BRINP1: variants seen among roughly 807,000 people sequenced by gnomAD.
The protein encoded by BRINP1 is BMP/retinoic acid-inducible neural-specific protein 1.
A neutral mutation model predicts 72.9 loss-of-function variants in BRINP1; 17 were observed. The ratio of observed to expected loss-of-function variants is 0.23; its 90% CI spans 0.16 to 0.35. BRINP1 has a LOEUF of 0.35. Ranked by LOEUF, BRINP1 falls within the 10% of genes least tolerant of loss-of-function variation. The pLI is 1.00. For missense variants in BRINP1, 850 were observed against 1,001.6 expected, an observed-to-expected ratio of 0.85 and a Z score of 2.04; for synonymous variants, 418 against 378.5, an observed-to-expected ratio of 1.10 and a Z score of -1.21.
intron 7 of BRINP1, among the ~76,000 whole-genome samples, chr9:119,186,627 C>T (rs1360211296): frequency 2.0e-5 from 3 of 152,180 alleles, no homozygotes. Context: ...ACCTGACCCC[C>T]AGGGAAGCAC....
chr9:119,352,137 T>C (rs1831513197), intron 1 of BRINP1, among the ~76,000 whole-genome samples: 1 of 152,108 alleles, frequency 6.6e-6, no homozygotes. Flanking sequence ...ATGTTTGTCT[T>C]AGGTATCCGT....
chr9:119,256,246 GTTA>G (rs1000516273), intron 2 of BRINP1, among the ~76,000 whole-genome samples: 5 of 152,136 alleles, frequency 3.3e-5, no homozygotes, highest in African/African-American at 9.7e-5. Flanking sequence ...AAATATTAAA[GTTA>G]TTATCAATAT....
intron 5 of BRINP1, 84 bp downstream of exon 5, chr9:119,238,571 T>G: frequency 1.3e-6 from 1 of 757,028 alleles, no homozygotes; most frequent in South Asian, 1.9e-5. Flanking sequence ...CTCCCTTCAC[T>G]CCATCCCTCC....
chr9:119,356,660 C>T (rs1831569904), intron 1 of BRINP1, among the ~76,000 whole-genome samples: 1 of 151,918 alleles, frequency 6.6e-6, no homozygotes, highest in Non-Finnish European at 1.5e-5. Context: ...CAAAAATTGG[C>T]TGGGCATGGT....
chr9:119,302,105 G>C (rs1444443083), intron 2 of BRINP1, among the ~76,000 whole-genome samples: 2 of 152,234 alleles, frequency 1.3e-5, no homozygotes, highest in East Asian at 3.8e-4. Flanking sequence ...GATATTTTAA[G>C]TGTTCAAGGC....
At chr9:119,251,505 G>A (rs1054594487) in intron 2 of BRINP1, among the ~76,000 whole-genome samples, 4 of 152,128 alleles carry the variant, frequency 2.6e-5, no homozygotes, top group Non-Finnish European at 4.4e-5. Flanking sequence ...CCACTCAGGT[G>A]GCCAAGGCAG....
intron 2 of BRINP1, among the ~76,000 whole-genome samples, chr9:119,294,003 T>C (rs1830849459): frequency 6.6e-6 from 1 of 152,102 alleles, no homozygotes; most frequent in South Asian, 2.1e-4. Context: ...ATGATGATCA[T>C]ATAGAAAATC....
intron 1 of BRINP1, among the ~76,000 whole-genome samples, chr9:119,340,621 T>G (rs1587966380): frequency 6.6e-6 from 1 of 152,356 alleles, no homozygotes; most frequent in East Asian, 1.9e-4. Flanking sequence ...ATTGAGTCAC[T>G]GATACTCTCC....
chr9:119,208,949 G>C lies in BRINP1; in HGVS notation c.923-8C>G, dbSNP rs141534986. ...TAAATGATTTAAACTCATCTAGTGA[G>C]AGACAAAGGCCGAGAGAGAAGGGCT... is the stretch of plus-strand genomic sequence containing the variant. On this transcript the variant is annotated splice_region_variant and splice_polypyrimidine_tract_variant and intron_variant, in intron 6 of 7. Transcript: ENST00000265922. 1.9e-4 allele frequency: 304 copies of C among 1,608,920 alleles called. No individual in the cohort carries two copies. In the African/African-American group the frequency reaches 2.8e-3, roughly 15 times the overall value.
At chr9:119,329,081 T>C (rs1014378495) in intron 1 of BRINP1, among the ~76,000 whole-genome samples, 37 of 152,196 alleles carry the variant, frequency 2.4e-4, no homozygotes, top group African/African-American at 8.2e-4. Flanking sequence ...AAACAGGCAC[T>C]ACACAGGTGC....
At chr9:119,328,173 G>C (rs1725792802) in intron 1 of BRINP1, among the ~76,000 whole-genome samples, 1 of 152,180 alleles carries the variant, frequency 6.6e-6, no homozygotes, top group African/African-American at 2.4e-5. Flanking sequence ...GGGAGCAGGG[G>C]TGTGTAAGAA....
chr9:119,299,682 C>T (rs1424960864), intron 2 of BRINP1, among the ~76,000 whole-genome samples: 1 of 150,904 alleles, frequency 6.6e-6, no homozygotes, highest in Non-Finnish European at 1.5e-5. Context: ...TTTCACTTAA[C>T]ATAATGTCCT....
At position 119,213,546 on chromosome 9, in the gene BRINP1, G is replaced by A. The variant is rs183918415; in HGVS notation, c.922+373C>T. On this transcript the variant is annotated intron_variant, in intron 6 of 7. Transcript: ENST00000265922. The stretch of plus-strand genomic sequence containing the variant: ...TAGAGATGGACAGAAGTGTGTGGGT[G>A]CACACACAAACACATACACACACAA... The A allele has an allele frequency of 1.9e-3, 726 of 389,308 alleles. 6 individuals are homozygous for A. The highest frequency in any genetic ancestry group is 2.5e-3 in the South Asian group (49 of 19,316). 24.1% of individuals were successfully genotyped at this position (389,308 alleles called of 1,614,324 possible). A position where few individuals can be genotyped will look rare whatever the true frequency, so the allele number is the denominator to read the frequency against.
At chr9:119,174,101 A>C (rs1288532629) in intron 7 of BRINP1, among the ~76,000 whole-genome samples, 3 of 146,128 alleles carry the variant, frequency 2.1e-5, no homozygotes, top group South Asian at 2.2e-4. Flanking sequence ...GCAACTGAAG[A>C]CAAAATTGAC....
chr9:119,327,713 A>G (rs1831253767), intron 1 of BRINP1, among the ~76,000 whole-genome samples: 1 of 152,186 alleles, frequency 6.6e-6, no homozygotes, highest in African/African-American at 2.4e-5. Flanking sequence ...TGAAGTGAGA[A>G]AAGGAAGGTG....
chr9:119,277,460 T>C (rs916477637), intron 2 of BRINP1, among the ~76,000 whole-genome samples: 15 of 152,156 alleles, frequency 9.9e-5, no homozygotes, highest in African/African-American at 2.2e-4. Flanking sequence ...GTTTACCCCC[T>C]GGAAATTGGC....
At chr9:119,321,820 A>G (rs2119004460) in intron 1 of BRINP1, among the ~76,000 whole-genome samples, 1 of 152,334 alleles carries the variant, frequency 6.6e-6, no homozygotes, top group Non-Finnish European at 1.5e-5. Context: ...ATGATCTGGG[A>G]AATACTGGAT....
intron 1 of BRINP1, among the ~76,000 whole-genome samples, chr9:119,332,289 AC>A (rs1201899267): frequency 6.6e-6 from 1 of 152,184 alleles, no homozygotes; most frequent in Non-Finnish European, 1.5e-5. Context: ...TTTACTAATG[AC>A]AAAAAAAAAT....
At chr9:119,258,549 A>G (rs1047169952) in intron 2 of BRINP1, among the ~76,000 whole-genome samples, 1 of 152,198 alleles carries the variant, frequency 6.6e-6, no homozygotes, top group Admixed American at 6.5e-5. Flanking sequence ...AATCCAAAAT[A>G]TCAGGATAGA....
Sources: gnomAD v4.1 joint callset for allele counts (sites outside exome capture counted in the v4.1 genomes callset) on GRCh38, gnomAD v4.1.1 for gene constraint, MANE v1.5 for transcripts, NCBI Gene and HGNC (gene_info 2026-07-23, HGNC 2026-07-21) for gene names.